PCSK2: variants seen among roughly 807,000 people sequenced by gnomAD.
PCSK2 encodes proprotein convertase subtilisin/kexin type 2, also known as neuroendocrine convertase 2.
Under a neutral mutation model 69.7 loss-of-function variants are expected in PCSK2, and 14 were observed. The observed-to-expected ratio is 0.20, with a 90% confidence interval of 0.13 to 0.31. The LOEUF (loss-of-function observed/expected upper bound fraction) is 0.31. Among genes scored for constraint, PCSK2 ranks in the 10% least tolerant of loss-of-function variants. The pLI is 1.00. For missense variants in PCSK2, 544 were observed against 842.5 expected, an observed-to-expected ratio of 0.65 and a Z score of 4.39; for synonymous variants, 307 against 320.7, an observed-to-expected ratio of 0.96 and a Z score of 0.46.
intron 1 of PCSK2, among the ~76,000 whole-genome samples, chr20:17,231,279 C>T (rs999738422): frequency 3.3e-5 from 5 of 152,170 alleles, no homozygotes; most frequent in Non-Finnish European, 7.4e-5. Context: ...ACCTAATAAT[C>T]ATTATGCTGC....
intron 7 of PCSK2, among the ~76,000 whole-genome samples, chr20:17,434,793 A>C (rs2032450651): frequency 6.6e-6 from 1 of 152,204 alleles, no homozygotes; most frequent in African/African-American, 2.4e-5. Flanking sequence ...CAAGTTCAAG[A>C]GCATCTGAGC....
Position 17,311,393 on chromosome 20 carries a change from T to A in PCSK2, c.283-46934T>A, listed in dbSNP as rs73897883. Among the ~76,000 whole-genome samples the A allele has an allele frequency of 3.0e-3, 453 of 152,232 alleles. 3 individuals carry two copies. The highest frequency in any genetic ancestry group is 0.011 in the African/African-American group (438 of 41,534). On this transcript the variant is annotated intron_variant, in intron 2 of 11. Coordinates refer to ENST00000262545, the MANE Select transcript of PCSK2 (RefSeq NM_002594.5). ...CATATGAATATATTTCTTTAAAAAT[T>A]TAGGCACCTATAACCTGATTCTTAT...
intron 2 of PCSK2, among the ~76,000 whole-genome samples, chr20:17,270,852 A>G (rs139780206): frequency 3.8e-3 from 584 of 152,240 alleles, no homozygotes; most frequent in African/African-American, 0.013. Context: ...TTGAGTTCCA[A>G]TACTTACACT....
At chr20:17,365,820 A>C (rs2030569823) in intron 4 of PCSK2, among the ~76,000 whole-genome samples, 1 of 152,086 alleles carries the variant, frequency 6.6e-6, no homozygotes, top group Non-Finnish European at 1.5e-5. Flanking sequence ...ACCTTTTCTG[A>C]CTCTATGTCC....
chr20:17,415,770 T>C (rs1285835265), intron 6 of PCSK2, among the ~76,000 whole-genome samples: 2 of 152,154 alleles, frequency 1.3e-5, no homozygotes, highest in Admixed American at 1.3e-4. Context: ...TCACGCTACC[T>C]GACTTCAAAC....
At chr20:17,341,291 A>G (rs1175062474) in intron 2 of PCSK2, among the ~76,000 whole-genome samples, 1 of 152,122 alleles carries the variant, frequency 6.6e-6, no homozygotes, top group Non-Finnish European at 1.5e-5. Context: ...ATCTCTTCCT[A>G]CCCTTACTGC....
chr20:17,384,342 C>A lies in PCSK2; in HGVS notation c.543+15065C>A, dbSNP rs1190979291. 4.7e-5 allele frequency among the ~76,000 whole-genome samples: 7 copies of A among 149,188 alleles called. No individual in the cohort carries two copies. The South Asian group carries it at 1.3e-3, about 27-fold the overall frequency. On this transcript the variant is annotated intron_variant, in intron 5 of 11. Transcript: ENST00000262545. Reference sequence around the variant, plus strand: ...GTGGCTCACACCTGTAATCCCAGCACTTTGGGAGGCCGAGGTGGGTGGATC... The same window carrying A: ...GTGGCTCACACCTGTAATCCCAGCAATTTGGGAGGCCGAGGTGGGTGGATC...
chr20:17,286,785 G>A (rs909152470), intron 2 of PCSK2, among the ~76,000 whole-genome samples: 12 of 152,130 alleles, frequency 7.9e-5, no homozygotes, highest in Non-Finnish European at 1.8e-4. Context: ...CCTCTGCCCT[G>A]GTCTCCATCC....
At chr20:17,478,342 C>T (rs960956902) in intron 11 of PCSK2, among the ~76,000 whole-genome samples, 3 of 152,116 alleles carry the variant, frequency 2.0e-5, no homozygotes, top group African/African-American at 7.2e-5. Context: ...GACATATGCC[C>T]ATAATAGGCA....
At chr20:17,354,400 G>A (rs1387373754) in intron 2 of PCSK2, among the ~76,000 whole-genome samples, 1 of 152,132 alleles carries the variant, frequency 6.6e-6, no homozygotes, top group Admixed American at 6.5e-5. Flanking sequence ...TGTATGGAAG[G>A]CTAAAATTCA....
chr20:17,303,201 T>C (rs1267393345), intron 2 of PCSK2, among the ~76,000 whole-genome samples: 1 of 143,960 alleles, frequency 6.9e-6, no homozygotes, highest in Non-Finnish European at 1.5e-5. Context: ...ATATTTATAT[T>C]ATTATAATAT....
chr20:17,226,248 T>A (rs1285396616), upstream of PCSK2: 1 of 152,196 alleles, frequency 6.6e-6, no homozygotes, highest in Non-Finnish European at 1.5e-5. Flanking sequence ...CCTCCTCCAG[T>A]CACCATCGCG....
intron 8 of PCSK2, among the ~76,000 whole-genome samples, chr20:17,451,663 C>T (rs2032824542): frequency 6.6e-6 from 1 of 152,150 alleles, no homozygotes; most frequent in Admixed American, 6.5e-5. Flanking sequence ...ATAGACCACT[C>T]TTCTTGATGG....
chr20:17,338,961 A>T (rs1990433204), intron 2 of PCSK2, among the ~76,000 whole-genome samples: 1 of 152,236 alleles, frequency 6.6e-6, no homozygotes, highest in East Asian at 1.9e-4. Flanking sequence ...AGGAATGTTC[A>T]CATAGCATCT....
intron 2 of PCSK2, among the ~76,000 whole-genome samples, chr20:17,277,516 A>C (rs1988130019): frequency 6.6e-6 from 1 of 152,222 alleles, no homozygotes; most frequent in African/African-American, 2.4e-5. Flanking sequence ...GGCTAGCCAT[A>C]TGTAGAAACC....
At chr20:17,242,752 G>A (rs1472311264) in intron 1 of PCSK2, among the ~76,000 whole-genome samples, 1 of 152,192 alleles carries the variant, frequency 6.6e-6, no homozygotes, top group African/African-American at 2.4e-5. Flanking sequence ...ATTGAGAGAG[G>A]AGCTGAAGTC....
intron 5 of PCSK2, among the ~76,000 whole-genome samples, chr20:17,401,171 T>A (rs2031627860): frequency 1.3e-5 from 2 of 152,220 alleles, no homozygotes; most frequent in South Asian, 4.1e-4. Context: ...AAAATAATAT[T>A]TTAAATACAT....
At position 17,393,561 on chromosome 20, in the gene PCSK2, A is replaced by C. The variant is rs1366462362; in HGVS notation, c.544-15702A>C. Among the ~76,000 whole-genome samples the C allele has an allele frequency of 2.6e-5, 4 of 152,180 alleles. No individual in the cohort carries two copies. In the South Asian group the frequency reaches 8.3e-4, roughly 32 times the overall value. ...TATCTTCAAAAAGATGAATATTTTTAAATTTTTTTTCTTTTTTTTCAATCA... is the reference window on the plus strand; with the variant it reads ...TATCTTCAAAAAGATGAATATTTTTCAATTTTTTTTCTTTTTTTTCAATCA... On this transcript the variant is annotated intron_variant, in intron 5 of 11. Transcript: ENST00000262545.
In PCSK2 at chr20:17,349,719, G is replaced by A. The variant is rs2029916546; in HGVS notation, c.283-8608G>A. 1.3e-5 allele frequency among the ~76,000 whole-genome samples: 2 copies of A among 152,170 alleles called. 1 individual carries two copies. Among genetic ancestry groups the A allele is most frequent in the South Asian group, 4.1e-4 (2 of 4,832 alleles). On this transcript the variant is annotated intron_variant, in intron 2 of 11. Transcript: ENST00000262545. ...GGTATCTTACCATGCAAATTAAGAGGTTTTTCATAAATAAAAGATTCATGC... is the reference window on the plus strand; with the variant it reads ...GGTATCTTACCATGCAAATTAAGAGATTTTTCATAAATAAAAGATTCATGC...
Sources: gnomAD v4.1 joint callset for allele counts (sites outside exome capture counted in the v4.1 genomes callset) on GRCh38, gnomAD v4.1.1 for gene constraint, MANE v1.5 for transcripts, NCBI Gene and HGNC (gene_info 2026-07-23, HGNC 2026-07-21) for gene names.